Variants in TSPAN7 observed in about 807,000 individuals in gnomAD.
TSPAN7 encodes the protein tetraspanin 7.
TSPAN7 carries 1 observed loss-of-function variant against 17.6 expected under a neutral mutation model. The observed-to-expected ratio is 0.06, with a 90% CI of 0.02 to 0.27. TSPAN7 has a LOEUF of 0.27. TSPAN7 is among the 10% of genes least tolerant of loss of function. The pLI, the probability that TSPAN7 is intolerant of heterozygous loss-of-function variation, is 1.00. For synonymous variants in TSPAN7, 78 were observed against 79.0 expected, an observed-to-expected ratio of 0.99 and a Z score of 0.07; for missense variants, 112 against 201.7, an observed-to-expected ratio of 0.56 and a Z score of 2.69.
chrX:38,674,020 C>G (rs1216907901), intron 3 of TSPAN7, among the ~76,000 whole-genome samples: 1 of 111,565 alleles, frequency 9.0e-6, no homozygotes, highest in Non-Finnish European at 1.9e-5. Context: ...CTGAGGGGAA[C>G]AATTTTTTAA....
chrX:38,589,754 C>T (rs7885895), intron 1 of TSPAN7, among the ~76,000 whole-genome samples: 6,480 of 111,483 alleles, frequency 0.058, 388 homozygotes, highest in African/African-American at 0.19. Context: ...TTGATTGTTT[C>T]ATTAGAATGT....
At chrX:38,605,894 T>G in intron 1 of TSPAN7, among the ~76,000 whole-genome samples, 1 of 106,096 alleles carries the variant, frequency 9.4e-6, no homozygotes, top group East Asian at 3.0e-4. Flanking sequence ...TCCTTACACC[T>G]TATACAAAAA....
intron 1 of TSPAN7, among the ~76,000 whole-genome samples, chrX:38,607,862 G>GAA (rs75062367): frequency 8.4e-5 from 7 of 83,369 alleles, no homozygotes; most frequent in East Asian, 3.7e-4. Context: ...TAGCCTTGAG[G>GAA]AAAAAAAAAA....
intron 6 of TSPAN7, among the ~76,000 whole-genome samples, chrX:38,684,388 T>C (rs1360505754): frequency 2.7e-5 from 3 of 111,492 alleles, no homozygotes; most frequent in Admixed American, 9.5e-5. Context: ...TCTGCTGCCC[T>C]ATAAATTTAT....
chrX:38,621,451 C>T (rs1005806724), intron 1 of TSPAN7, among the ~76,000 whole-genome samples: 8 of 111,862 alleles, frequency 7.2e-5, no homozygotes, highest in South Asian at 3.7e-4. Context: ...CAGCTTTTGA[C>T]GGGGATTTTT....
intron 1 of TSPAN7, among the ~76,000 whole-genome samples, chrX:38,615,491 G>A (rs1354084229): frequency 9.0e-6 from 1 of 111,328 alleles, no homozygotes; most frequent in Non-Finnish European, 1.9e-5. Flanking sequence ...AAAGAGCACT[G>A]GACCAATTTC....
chrX:38,600,922 G>C (rs2069343094), intron 1 of TSPAN7, among the ~76,000 whole-genome samples: 1 of 111,566 alleles, frequency 9.0e-6, no homozygotes, highest in Admixed American at 9.5e-5. Flanking sequence ...AGGCTAATTT[G>C]TCTGTTTAAG....
At chrX:38,605,054 G>A (rs926069975) in intron 1 of TSPAN7, among the ~76,000 whole-genome samples, 2 of 110,277 alleles carry the variant, frequency 1.8e-5, no homozygotes, top group African/African-American at 6.7e-5. Context: ...TGGAAGTTCT[G>A]GCCGGGGCAA....
intron 6 of TSPAN7, among the ~76,000 whole-genome samples, chrX:38,682,944 G>A (rs976364227): frequency 8.9e-6 from 1 of 112,022 alleles, no homozygotes; most frequent in Non-Finnish European, 1.9e-5. Flanking sequence ...ACATATGTAT[G>A]TGTAGCATCA....
intron 4 of TSPAN7, among the ~76,000 whole-genome samples, chrX:38,674,573 T>G (rs1041824108): frequency 6.3e-5 from 7 of 111,862 alleles, no homozygotes; most frequent in African/African-American, 2.3e-4. Context: ...GCTCATTTGC[T>G]CTTCAGATCT....
intron 1 of TSPAN7, among the ~76,000 whole-genome samples, chrX:38,658,371 G>C (rs1307017396): frequency 1.8e-5 from 2 of 108,173 alleles, no homozygotes; most frequent in Admixed American, 2.0e-4. Context: ...TTAGAGATGG[G>C]GTCTCACTAT....
intron 1 of TSPAN7, among the ~76,000 whole-genome samples, chrX:38,586,674 C>A (rs1395393660): frequency 2.7e-5 from 3 of 111,855 alleles, no homozygotes; most frequent in African/African-American, 9.7e-5. Flanking sequence ...TTCTTTAATT[C>A]TTCTGTGTTC....
Position 38,587,048 on chromosome X carries a change from A to G in TSPAN7, c.81+25421A>G, listed in dbSNP as rs752789347. 1.2e-3 allele frequency among the ~76,000 whole-genome samples: 137 copies of G among 112,326 alleles called. 1 individual carries two copies. Among genetic ancestry groups the G allele is most frequent in the Non-Finnish European group, 1.9e-3 (101 of 53,257 alleles). On this transcript the variant is annotated intron_variant, in intron 1 of 7. Coordinates refer to ENST00000378482, the MANE Select transcript of TSPAN7 (RefSeq NM_004615.4). ...TTCCCTTCCCCACAGGGGATATTTG[A>G]CAATGTCTGGAAAGATCTTTGGATG...
At chrX:38,651,389 C>T (rs1011915262) in intron 1 of TSPAN7, among the ~76,000 whole-genome samples, 13 of 111,328 alleles carry the variant, frequency 1.2e-4, no homozygotes, top group African/African-American at 3.3e-4. Context: ...GGCATGAACC[C>T]GGGAGCCGAA....
chrX:38,579,909 T>A (rs1178576091), intron 1 of TSPAN7, among the ~76,000 whole-genome samples: 1 of 112,147 alleles, frequency 8.9e-6, no homozygotes, highest in Non-Finnish European at 1.9e-5. Flanking sequence ...AGTTTATCAG[T>A]TGGGCTTATT....
intron 1 of TSPAN7, among the ~76,000 whole-genome samples, chrX:38,623,833 T>C (rs6520516): frequency 0.49 from 51,647 of 105,599 alleles, 10,078 homozygotes; most frequent in East Asian, 0.93. Flanking sequence ...CCCACAGCTG[T>C]ACCCTTCCTT....
intron 1 of TSPAN7, among the ~76,000 whole-genome samples, chrX:38,627,224 T>C (rs748867879): frequency 3.6e-5 from 4 of 111,249 alleles, no homozygotes. Context: ...AAGAGAGAAA[T>C]TGAAGAGACT....
At chrX:38,677,132 C>T (rs759646944) in intron 5 of TSPAN7, among the ~76,000 whole-genome samples, 2 of 111,957 alleles carry the variant, frequency 1.8e-5, no homozygotes, top group South Asian at 3.8e-4. Context: ...AAGTCAGGAG[C>T]ACAGGGTCTA....
chrX:38,656,566 G>A (rs895530978), intron 1 of TSPAN7, among the ~76,000 whole-genome samples: 16 of 111,458 alleles, frequency 1.4e-4, no homozygotes, highest in African/African-American at 4.9e-4. Flanking sequence ...GGGCATACAG[G>A]GAATCCCCCA....
Sources: allele counts gnomAD v4.1 joint callset (sites outside exome capture counted in the v4.1 genomes callset), GRCh38; gene constraint gnomAD v4.1.1; transcripts MANE v1.5; gene names NCBI Gene and HGNC (gene_info 2026-07-23, HGNC 2026-07-21).